PRKAR1B: variants seen among roughly 807,000 people sequenced by gnomAD.
PRKAR1B encodes protein kinase cAMP-dependent type I regulatory subunit beta.
Under a neutral mutation model 46.5 loss-of-function variants are expected in PRKAR1B, and 22 were observed. That is an observed-to-expected ratio of 0.47 (90% CI 0.34 to 0.68). The LOEUF (loss-of-function observed/expected upper bound fraction) is 0.68. PRKAR1B is among the 30% of genes least tolerant of loss of function. The pLI is 0.01. For missense variants in PRKAR1B, 445 were observed against 535.6 expected (o/e 0.83, Z 1.67); for synonymous variants, 259 against 217.7 (o/e 1.19, Z -1.67).
intron 9 of PRKAR1B, among the ~76,000 whole-genome samples, chr7:562,352 G>C (rs769214236): frequency 2.0e-5 from 3 of 152,126 alleles, no homozygotes; most frequent in African/African-American, 7.2e-5. Context: ...AACCCCAAGC[G>C]TCCCAGTGAG....
chr7:704,951 G>A (rs1263336774), intron 2 of PRKAR1B, among the ~76,000 whole-genome samples: 4 of 152,016 alleles, frequency 2.6e-5, no homozygotes, highest in South Asian at 2.1e-4. Context: ...GAAAATAAGC[G>A]TATGAAAACA....
chr7:589,931 C>G (rs995407442), intron 7 of PRKAR1B, among the ~76,000 whole-genome samples: 1 of 152,246 alleles, frequency 6.6e-6, no homozygotes, highest in Non-Finnish European at 1.5e-5. Context: ...GATGCCAACA[C>G]CAAGCCCACG....
Position 579,336 on chromosome 7 carries a change from G to C in PRKAR1B, c.811C>G (p.Leu271Val). The change falls in exon 9 of 11, where the codon CTG (leucine) becomes GTG (valine). Residue 271 changes from leucine (L) to valine (V), a missense_variant. Coordinates refer to ENST00000537384, the MANE Select transcript of PRKAR1B (RefSeq NM_001164760.2). ...CCATCTTCAAACTGGACGGGCTCCA[G>C]CGCATCCGCCACGGTCAGACGCTCC... ...KWERLTVADA[L>V]EPVQFEDGEK... 9.3e-6 allele frequency: 15 copies of C among 1,614,170 alleles called. No homozygotes were observed. Among genetic ancestry groups the C allele is most frequent in the Non-Finnish European group, 1.3e-5 (15 of 1,180,040 alleles).
At chr7:629,376 A>C (rs78383714) in intron 4 of PRKAR1B, among the ~76,000 whole-genome samples, 2 of 123,990 alleles carry the variant, frequency 1.6e-5, no homozygotes, top group Non-Finnish European at 3.4e-5. Flanking sequence ...AATGCTGCAG[A>C]AGCGGGACCA....
chr7:636,524 G>C (rs1784118291), intron 4 of PRKAR1B, among the ~76,000 whole-genome samples: 1 of 152,192 alleles, frequency 6.6e-6, no homozygotes, highest in Non-Finnish European at 1.5e-5. Context: ...TTTCCTGCCA[G>C]CCCTGCCAAT....
At chr7:725,145 C>G (rs1200029459) in intron 1 of PRKAR1B, among the ~76,000 whole-genome samples, 1 of 149,576 alleles carries the variant, frequency 6.7e-6, no homozygotes, top group Non-Finnish European at 1.5e-5. Context: ...ACCTGGGAGG[C>G]AGAGTCTGCA....
intron 9 of PRKAR1B, among the ~76,000 whole-genome samples, chr7:569,436 C>T (rs369468346): frequency 8.5e-5 from 13 of 152,362 alleles, no homozygotes; most frequent in Admixed American, 6.5e-4. Flanking sequence ...CTCTCCCCGG[C>T]CCCCAAGCTG....
intron 6 of PRKAR1B, among the ~76,000 whole-genome samples, chr7:598,002 T>A (rs1562549945): frequency 1.3e-5 from 2 of 152,322 alleles, no homozygotes; most frequent in East Asian, 3.9e-4. Flanking sequence ...CCTGTGGGTC[T>A]CACCGTGTCT....
At chr7:682,763 T>C (rs1167044632) in intron 2 of PRKAR1B, among the ~76,000 whole-genome samples, 1 of 152,122 alleles carries the variant, frequency 6.6e-6, no homozygotes, top group East Asian at 1.9e-4. Context: ...AAAAATTGTT[T>C]TAAGGAAAAG....
chr7:555,328 C>T (rs1778360751), intron 9 of PRKAR1B, among the ~76,000 whole-genome samples: 1 of 152,146 alleles, frequency 6.6e-6, no homozygotes, highest in Admixed American at 6.5e-5. Flanking sequence ...CACTTTGTCA[C>T]TAGTCACGCT....
Position 613,146 on chromosome 7 carries a change from AC to A in PRKAR1B, c.441-5695del, listed in dbSNP as rs552141857. On this transcript the variant is annotated intron_variant, in intron 4 of 10. Coordinates refer to ENST00000537384, the MANE Select transcript of PRKAR1B (RefSeq NM_001164760.2). ...TAAAAACACAACCATAAAGTAAATA[AC>A]CTAGAGGCTATGCACCGTAAGGCTA... Among the ~76,000 whole-genome samples the A allele has an allele frequency of 5.1e-3, 759 of 149,622 alleles. 4 individuals carry two copies. Among genetic ancestry groups the A allele is most frequent in the South Asian group, 0.025 (117 of 4,754 alleles).
intron 8 of PRKAR1B, 73 bp downstream of exon 8, chr7:584,435 G>C (rs1467840640): frequency 7.5e-7 from 1 of 1,339,784 alleles, no homozygotes; most frequent in African/African-American, 1.4e-5. Context: ...GCAGGGAATG[G>C]GGAAGAGGCC....
chr7:671,331 C>G (rs1786243559), intron 4 of PRKAR1B, among the ~76,000 whole-genome samples: 1 of 152,232 alleles, frequency 6.6e-6, no homozygotes, highest in Admixed American at 6.5e-5. Flanking sequence ...CAAACATTTG[C>G]CTCTCACTGT....
chr7:564,116 C>T (rs998041968), intron 9 of PRKAR1B, among the ~76,000 whole-genome samples: 1 of 152,174 alleles, frequency 6.6e-6, no homozygotes, highest in South Asian at 2.1e-4. Context: ...CCCACAGAGA[C>T]CATACCCCAC....
intron 2 of PRKAR1B, among the ~76,000 whole-genome samples, chr7:705,177 A>G (rs1780256648): frequency 6.6e-6 from 1 of 151,986 alleles, no homozygotes; most frequent in African/African-American, 2.4e-5. Flanking sequence ...CTGTAATCCT[A>G]GCTATCCGGG....
chr7:611,059 C>T (rs754995798), intron 4 of PRKAR1B, among the ~76,000 whole-genome samples: 4 of 152,228 alleles, frequency 2.6e-5, no homozygotes, highest in Admixed American at 6.5e-5. Context: ...CATCCTCACC[C>T]GCCCCTATGA....
intron 1 of PRKAR1B, among the ~76,000 whole-genome samples, chr7:713,585 C>T (rs571520207): frequency 1.1e-4 from 17 of 151,860 alleles, no homozygotes; most frequent in African/African-American, 4.1e-4. Context: ...ACACACTCAC[C>T]GTCTCCCAGT....
intron 4 of PRKAR1B, among the ~76,000 whole-genome samples, chr7:664,298 A>G (rs1785782756): frequency 6.6e-6 from 1 of 152,136 alleles, no homozygotes; most frequent in African/African-American, 2.4e-5. Context: ...TCTGGTCGCT[A>G]TGTGGTCCCC....
chr7:652,888 A>T (rs1182768185), intron 4 of PRKAR1B, among the ~76,000 whole-genome samples: 1 of 152,216 alleles, frequency 6.6e-6, no homozygotes, highest in African/African-American at 2.4e-5. Flanking sequence ...CTGTGGGTTG[A>T]TGGGGCAGGC....
Sources: gnomAD v4.1 joint callset for allele counts (sites outside exome capture counted in the v4.1 genomes callset) on GRCh38, gnomAD v4.1.1 for gene constraint, MANE v1.5 for transcripts, NCBI Gene and HGNC (gene_info 2026-07-23, HGNC 2026-07-21) for gene names.